Variants in ADAMTS3 observed in about 807,000 individuals in gnomAD.
The protein encoded by ADAMTS3 is ADAM metallopeptidase with thrombospondin type 1 motif 3.
In ADAMTS3, 73 loss-of-function variants were observed where a neutral mutation model predicts 129.0. The ratio of observed to expected loss-of-function variants is 0.57; its 90% CI spans 0.47 to 0.69. The LOEUF is 0.69. Ranked by LOEUF, ADAMTS3 falls within the 30% of genes least tolerant of loss-of-function variation. The probability of loss-of-function intolerance (pLI) is 0.00; values close to 1 mark genes in which losing one functional copy is unlikely to be tolerated. For missense variants in ADAMTS3, 1,457 were observed against 1,514.5 expected (o/e 0.96, Z 0.63); for synonymous variants, 477 against 510.8 (o/e 0.93, Z 0.89).
At chr4:72,520,494 C>A (rs1392391855) in intron 3 of ADAMTS3, among the ~76,000 whole-genome samples, 1 of 152,200 alleles carries the variant, frequency 6.6e-6, no homozygotes, top group Non-Finnish European at 1.5e-5. Flanking sequence ...TGGGCTCCAC[C>A]CAGTTGGAGC....
chr4:72,502,677 C>G (rs1214543715), intron 3 of ADAMTS3, among the ~76,000 whole-genome samples: 3 of 151,968 alleles, frequency 2.0e-5, no homozygotes, highest in Admixed American at 2.0e-4. Flanking sequence ...TTCTAGTTCC[C>G]CTAAGTTCAA....
chr4:72,514,877 C>T (rs1026968650), intron 3 of ADAMTS3, among the ~76,000 whole-genome samples: 2 of 151,780 alleles, frequency 1.3e-5, no homozygotes, highest in African/African-American at 4.8e-5. Flanking sequence ...GGTACATGTG[C>T]ACAATGTGCA....
At chr4:72,543,302 G>C (rs1721383859) in intron 3 of ADAMTS3, among the ~76,000 whole-genome samples, 1 of 151,992 alleles carries the variant, frequency 6.6e-6, no homozygotes, top group Admixed American at 6.6e-5. Flanking sequence ...GAACAGTATG[G>C]CAATTTTTTT....
intron 3 of ADAMTS3, among the ~76,000 whole-genome samples, chr4:72,523,732 T>C (rs1395581761): frequency 6.6e-6 from 1 of 152,048 alleles, no homozygotes. Flanking sequence ...TTTCCATGCA[T>C]GAGGTGAACA....
chr4:72,449,379 A>G (rs1379978751), intron 3 of ADAMTS3, among the ~76,000 whole-genome samples: 2 of 151,696 alleles, frequency 1.3e-5, no homozygotes, highest in Non-Finnish European at 2.9e-5. Flanking sequence ...CATCTCAGGA[A>G]ATGACCCATC....
intron 5 of ADAMTS3, among the ~76,000 whole-genome samples, chr4:72,329,765 C>T (rs779066339): frequency 8.1e-5 from 12 of 148,456 alleles, no homozygotes; most frequent in Non-Finnish European, 1.6e-4. Context: ...AAAAAAAAAA[C>T]GATCTACGAT....
chr4:72,476,640 A>C (rs1332275095), intron 3 of ADAMTS3, among the ~76,000 whole-genome samples: 1 of 152,092 alleles, frequency 6.6e-6, no homozygotes, highest in African/African-American at 2.4e-5. Context: ...CTAATCCCCA[A>C]ACTAGACAAA....
chr4:72,567,388 T>C lies in ADAMTS3; in HGVS notation c.83A>G (p.Glu28Gly). 6.2e-7 allele frequency: 1 copy of C among 1,606,438 alleles called. No homozygotes were observed. Among genetic ancestry groups the C allele is most frequent in the Non-Finnish European group, 8.5e-7 (1 of 1,176,984 alleles). The change falls in exon 2 of 22, where the codon GAA becomes GGA. Residue 28 changes from glutamate to glycine, a missense_variant. Physicochemically the swap from Glu to Gly is moderately conservative, Grantham distance 98. Coordinates refer to ENST00000286657, the MANE Select transcript of ADAMTS3 (RefSeq NM_014243.3). ...ACAAAGCTTACCTATTTGCACCATT[T>C]CTTCATTACCAGCCTGGAAAGGAGG... is the stretch of plus-strand genomic sequence containing the variant. ...TSADGQAGNE[E>G]MVQIDLPIKR...
At chr4:72,308,550 ACAC>A (rs1719147975) in intron 15 of ADAMTS3, among the ~76,000 whole-genome samples, 1 of 151,968 alleles carries the variant, frequency 6.6e-6, no homozygotes, top group African/African-American at 2.4e-5. Context: ...TCTTGAGCAA[ACAC>A]CACATCAAAT....
intron 3 of ADAMTS3, among the ~76,000 whole-genome samples, chr4:72,516,693 T>G (rs12506150): frequency 0.31 from 46,360 of 151,342 alleles, 7,043 homozygotes; most frequent in Middle Eastern, 0.34. Flanking sequence ...TTTTGTATCC[T>G]GACACTTTGC....
intron 4 of ADAMTS3, among the ~76,000 whole-genome samples, chr4:72,409,853 C>T (rs1213085830): frequency 6.6e-6 from 1 of 152,062 alleles, no homozygotes; most frequent in Non-Finnish European, 1.5e-5. Flanking sequence ...ACAACAGATT[C>T]CATAAATATG....
intron 2 of ADAMTS3, among the ~76,000 whole-genome samples, chr4:72,567,051 G>A (rs148463647): frequency 3.3e-5 from 5 of 152,142 alleles, no homozygotes; most frequent in South Asian, 2.1e-4. Context: ...AGAAGTTGAT[G>A]ATTTTATTTC....
At position 72,530,536 on chromosome 4, in the gene ADAMTS3, T is replaced by C. The variant is rs1383577629; in HGVS notation, c.504+17942A>G. On this transcript the variant is annotated intron_variant, in intron 3 of 21. Transcript: ENST00000286657. ...TATATATAAATATATTAATTTAATATATATTAATTTAAAATATATTGATTT... is the reference window on the plus strand; with the variant it reads ...TATATATAAATATATTAATTTAATACATATTAATTTAAAATATATTGATTT... 3.4e-5 allele frequency among the ~76,000 whole-genome samples: 3 copies of C among 87,086 alleles called. No individual in the cohort carries two copies. In the Admixed American group the frequency reaches 6.4e-4, roughly 19 times the overall value. The allele number at this position is 87,086 out of a possible 152,430, so 57.1% of individuals were successfully genotyped here.
rs1334537265 is a variant in ADAMTS3 at position 72,283,639 on chromosome 4, T to C, written c.3115A>G (p.Ile1039Val). The C allele has an allele frequency of 1.9e-6, 3 of 1,613,684 alleles. No individual in the cohort carries two copies. Among genetic ancestry groups the C allele is most frequent in the African/African-American group, 2.7e-5 (2 of 74,916 alleles). Residue 1039 changes from isoleucine to valine, a missense_variant, in exon 22 of 22, where the codon ATA becomes GTA. By Grantham distance (29) the Ile-to-Val change is conservative (BLOSUM62 3). Coordinates refer to ENST00000286657, the MANE Select transcript of ADAMTS3 (RefSeq NM_014243.3). ...CAACATAACTTGTTATAACCTGGTA[T>C]GGAGCAGTATCGTGCCAACACTTCC... ...QMEVLARYCS[I>V]PGYNKLCCES...
At chr4:72,300,880 T>C (rs1718932050) in intron 17 of ADAMTS3, among the ~76,000 whole-genome samples, 1 of 152,222 alleles carries the variant, frequency 6.6e-6, no homozygotes, top group Non-Finnish European at 1.5e-5. Flanking sequence ...TTCAGCACCA[T>C]GTGACTAAGC....
At chr4:72,459,266 A>G (rs555454574) in intron 3 of ADAMTS3, among the ~76,000 whole-genome samples, 1 of 151,670 alleles carries the variant, frequency 6.6e-6, no homozygotes, top group African/African-American at 2.4e-5. Flanking sequence ...GTGTAGAGAT[A>G]TTGGAAGATG....
At chr4:72,355,635 A>G (rs1720563754) in intron 4 of ADAMTS3, among the ~76,000 whole-genome samples, 1 of 151,992 alleles carries the variant, frequency 6.6e-6, no homozygotes. Flanking sequence ...GGTTTCCCCC[A>G]TCCATCATGT....
chr4:72,502,060 T>C (rs552835289), intron 3 of ADAMTS3, among the ~76,000 whole-genome samples: 4 of 152,312 alleles, frequency 2.6e-5, no homozygotes, highest in African/African-American at 9.6e-5. Context: ...AACAGAGATA[T>C]TGGCCTATAG....
At chr4:72,343,460 C>G (rs567572705) in intron 4 of ADAMTS3, among the ~76,000 whole-genome samples, 1 of 152,328 alleles carries the variant, frequency 6.6e-6, no homozygotes, top group Admixed American at 6.5e-5. Flanking sequence ...CCTACCCTCA[C>G]TACCCACCTA....
Sources: gnomAD v4.1 joint callset for allele counts (sites outside exome capture counted in the v4.1 genomes callset) on GRCh38, gnomAD v4.1.1 for gene constraint, MANE v1.5 for transcripts, NCBI Gene and HGNC (gene_info 2026-07-23, HGNC 2026-07-21) for gene names.